SELP: variants seen among roughly 807,000 people sequenced by gnomAD.
The protein encoded by SELP is P-selectin.
A neutral mutation model predicts 104.1 loss-of-function variants in SELP; 92 were observed. The ratio of observed to expected loss-of-function variants is 0.88; its 90% CI spans 0.75 to 1.05. SELP has a LOEUF of 1.05. Among genes scored for constraint, SELP ranks in the 50% least tolerant of loss-of-function variants. The pLI is 0.00. For missense variants in SELP, 1,022 were observed against 1,017.3 expected, an observed-to-expected ratio of 1.00 and a Z score of -0.06; for synonymous variants, 397 against 364.5, an observed-to-expected ratio of 1.09 and a Z score of -1.01.
chr1:169,596,006 C>A lies in SELP; in HGVS notation c.2020G>T (p.Ala674Ser), dbSNP rs780693388. 7 of 1,613,906 alleles carry A rather than the reference C, an allele frequency of 4.3e-6. No individual in the cohort carries two copies. The highest frequency in any genetic ancestry group is 1.1e-5 in the South Asian group (1 of 91,072). ...FNTTCYFGCN[A>S]GFTLIGDSTL... ...CTGTCTCCTATGAGTGTGAATCCAG[C>A]GTTGCAGCCAAAGTAACAAGTGGTA... The change falls in exon 12 of 17, where the codon GCT becomes TCT. Residue 674 changes from alanine to serine, a missense_variant. By Grantham distance (99) the Ala-to-Ser change is moderately conservative (BLOSUM62 1). Coordinates refer to ENST00000263686, the MANE Select transcript of SELP (RefSeq NM_003005.4).
Position 169,619,133 on chromosome 1 carries a change from G to C in SELP, c.90C>G (p.Ile30Met). Reference protein sequence around the residue: ...ISQLLCFSALISELTNQKEVA... With the variant: ...ISQLLCFSALMSELTNQKEVA... ...AAAAGTTAGCATAAAGTTTACCAGA[G>C]ATCAGGGCACTGAAGCAAAGGAGTT... is the stretch of plus-strand genomic sequence containing the variant. The change falls in exon 2 of 17, where the codon ATC becomes ATG. Residue 30 changes from isoleucine (I) to methionine (M), a missense_variant. Transcript: ENST00000263686. 1.9e-6 allele frequency: 3 copies of C among 1,611,996 alleles called. No individual in the cohort carries two copies. Among genetic ancestry groups the C allele is most frequent in the Non-Finnish European group, 2.5e-6 (3 of 1,178,122 alleles).
rs6131 is a variant in SELP, at chr1:169,611,647, C to T, written c.992G>A (p.Ser331Asn). Reference protein sequence around the residue: ...AVQCQHLEAPSEGTMDCVHPL... With the variant: ...AVQCQHLEAPNEGTMDCVHPL... ...ATGAACACAGTCCATGGTTCCTTCA[C>T]TGGGGGCTTCCAGGTGCTGACACTG... The change falls in exon 7 of 17, where the codon AGT (serine) becomes AAT (asparagine). Residue 331 changes from serine to asparagine, a missense_variant. Transcript: ENST00000263686. The T allele has an allele frequency of 0.19, 302,014 of 1,613,720 alleles. 30,311 individuals carry two copies. Among genetic ancestry groups the T allele is most frequent in the African/African-American group, 0.32 (24,043 of 74,872 alleles).
intron 1 of SELP, among the ~76,000 whole-genome samples, chr1:169,619,809 TAATATATGCAGTAA>T: frequency 6.6e-6 from 1 of 152,332 alleles, no homozygotes. Flanking sequence ...TAATATTTCT[TAATATATGCAGTAA>T]ACTTGTTCCC....
intron 9 of SELP, among the ~76,000 whole-genome samples, chr1:169,605,755 G>T (rs1227608263): frequency 6.6e-6 from 1 of 152,154 alleles, no homozygotes; most frequent in Non-Finnish European, 1.5e-5. Flanking sequence ...AAGCCTAACA[G>T]TGTCTATTTT....
At position 169,603,327 on chromosome 1, in the gene SELP, G is replaced by C. The variant is rs1382114452; in HGVS notation, c.1520-116C>G. On this transcript the variant is annotated intron_variant, in intron 9 of 16. Coordinates refer to ENST00000263686, the MANE Select transcript of SELP (RefSeq NM_003005.4). ...TCTCTCTGTGTGTGTGTGTGTGTGT[G>C]TGTGTGTGTGTGTGTGTGTGTGATT... is the stretch of plus-strand genomic sequence containing the variant. 6.1e-4 allele frequency: 437 copies of C among 719,870 alleles called. 7 individuals are homozygous for C. In the African/African-American group the frequency reaches 6.3e-3, roughly 10 times the overall value. The allele number at this position is 719,870 out of a possible 1,614,324, so 44.6% of individuals were successfully genotyped here. A position where few individuals can be genotyped will look rare whatever the true frequency, so the allele number is the denominator to read the frequency against.
Position 169,613,598 on chromosome 1 carries a change from C to T in SELP, c.577G>A (p.Glu193Lys), listed in dbSNP as rs988949670. Reference sequence around the variant, plus strand: ...AAGGAAGCCTCACCGTATTCACATTCTGGCCCATAGAATCCAGGGTAACAG... The same window carrying T: ...AAGGAAGCCTCACCGTATTCACATTTTGGCCCATAGAATCCAGGGTAACAG... ...CSCYPGFYGP[E>K]CEYVRECGEL... is the part of the protein sequence containing the mutation. The change falls in exon 4 of 17, where the codon GAA (glutamate) becomes AAA (lysine). Residue 193 changes from glutamate to lysine, a missense_variant. Physicochemically the swap from Glu to Lys is moderately conservative, Grantham distance 56. Coordinates refer to ENST00000263686, the MANE Select transcript of SELP (RefSeq NM_003005.4). The T allele has an allele frequency of 6.2e-7, 1 of 1,613,654 alleles. No individual in the cohort carries two copies. Among genetic ancestry groups the T allele is most frequent in the Admixed American group, 1.7e-5 (1 of 60,008 alleles).
At chr1:169,612,826 A>G in intron 5 of SELP, 103 bp downstream of exon 5, 1 of 956,052 alleles carries the variant, frequency 1.0e-6, no homozygotes, top group Non-Finnish European at 1.5e-6. Flanking sequence ...TCTAACCTAG[A>G]TGGTCATTAT....
At chr1:169,613,432 T>C (rs966428853) in intron 4 of SELP, among the ~76,000 whole-genome samples, 154 bp downstream of exon 4, 6 of 152,148 alleles carry the variant, frequency 3.9e-5, no homozygotes, top group Non-Finnish European at 8.8e-5. Flanking sequence ...TTACCTAGAG[T>C]GTGTGTCTAG....
At chr1:169,619,774 T>C (rs1414805629) in intron 1 of SELP, among the ~76,000 whole-genome samples, 1 of 152,188 alleles carries the variant, frequency 6.6e-6, no homozygotes, top group Non-Finnish European at 1.5e-5. Context: ...ATTCAATGTT[T>C]AATATACATA....
intron 10 of SELP, among the ~76,000 whole-genome samples, chr1:169,602,550 T>C (rs1036428062): frequency 6.6e-6 from 1 of 152,206 alleles, no homozygotes; most frequent in African/African-American, 2.4e-5. Context: ...ATACTGCCTT[T>C]CCTTATTATT....
chr1:169,591,488 T>C (rs1165893417), intron 14 of SELP, 32 bp from the exon 15 acceptor site: 1 of 1,405,174 alleles, frequency 7.1e-7, no homozygotes, highest in Non-Finnish European at 9.6e-7. Flanking sequence ...GAATGAATGA[T>C]TAAAAAAAAA....
intron 3 of SELP, among the ~76,000 whole-genome samples, chr1:169,616,640 ACT>A (rs1158462971): frequency 2.0e-5 from 3 of 151,982 alleles, no homozygotes; most frequent in Non-Finnish European, 4.4e-5. Flanking sequence ...TCCAATTTAC[ACT>A]CTCTGTTATA....
intron 8 of SELP, among the ~76,000 whole-genome samples, chr1:169,608,775 G>C (rs1181073950): frequency 6.6e-6 from 1 of 152,042 alleles, no homozygotes; most frequent in African/African-American, 2.4e-5. Flanking sequence ...ATTGCTCAGA[G>C]GTCTCCGTAA....
rs554091143 is a variant in SELP, at chr1:169,626,825, A to G, written c.3+3247T>C. On this transcript the variant is annotated intron_variant, in intron 1 of 16. Transcript: ENST00000263686. ...TCTTCCCATCTCAGCCTCCTGAGTA[A>G]CTGGGACTACAGGCATGCATCACCA... Among the ~76,000 whole-genome samples, 9 of 152,070 alleles carry G rather than the reference A, an allele frequency of 5.9e-5. No individual in the cohort carries two copies. In the South Asian group the frequency reaches 1.9e-3, roughly 32 times the overall value.
At chr1:169,598,547 A>G (rs1211983314) in intron 10 of SELP, among the ~76,000 whole-genome samples, 1 of 152,250 alleles carries the variant, frequency 6.6e-6, no homozygotes, top group Non-Finnish European at 1.5e-5. Context: ...CAAATTGTTG[A>G]GTAATTAACA....
intron 11 of SELP, 80 bp from the exon 12 acceptor site, chr1:169,596,214 C>G: frequency 8.0e-7 from 1 of 1,245,476 alleles, no homozygotes; most frequent in South Asian, 1.3e-5. Context: ...TCTGGAATAA[C>G]TGCTTTTCAC....
intron 1 of SELP, among the ~76,000 whole-genome samples, chr1:169,619,673 A>T (rs191337165): frequency 1.3e-5 from 2 of 152,336 alleles, no homozygotes; most frequent in Non-Finnish European, 2.9e-5. Context: ...CAGAGCATCA[A>T]CAAATTGTGT....
intron 14 of SELP, among the ~76,000 whole-genome samples, 154 bp downstream of exon 14, chr1:169,593,451 A>G (rs576222579): frequency 6.6e-6 from 1 of 152,274 alleles, no homozygotes; most frequent in Admixed American, 6.5e-5. Flanking sequence ...AGTTCTCAAG[A>G]TCACTTATCT....
intron 8 of SELP, among the ~76,000 whole-genome samples, chr1:169,608,758 C>T (rs1159204673): frequency 6.6e-6 from 1 of 152,086 alleles, no homozygotes; most frequent in Non-Finnish European, 1.5e-5. Flanking sequence ...CCAGAGGAGT[C>T]ACATAGATTG....
Sources: gnomAD v4.1 joint callset for allele counts (sites outside exome capture counted in the v4.1 genomes callset) on GRCh38, gnomAD v4.1.1 for gene constraint, MANE v1.5 for transcripts, NCBI Gene and HGNC (gene_info 2026-07-23, HGNC 2026-07-21) for gene names.